The following CARD14 variants were observed in gnomAD, a reference collection of about 807,000 sequenced individuals.
CARD14 encodes caspase recruitment domain-containing protein 14.
In CARD14, 107 loss-of-function variants were observed where a neutral mutation model predicts 111.5. The observed-to-expected ratio is 0.96, with a 90% confidence interval of 0.82 to 1.13. The LOEUF is 1.13. CARD14 is among the 50% of genes most tolerant of loss of function. CARD14 has a pLI of 0.00. For synonymous variants in CARD14, 617 were observed against 579.6 expected (o/e 1.06, Z -0.93); for missense variants, 1,322 against 1,362.3 (o/e 0.97, Z 0.47).
chr17:80,204,575 G>A (rs916171738), intron 20 of CARD14: 1 of 440,262 alleles, frequency 2.3e-6, no homozygotes, highest in Admixed American at 3.7e-5. Context: ...AGTGAGCCGA[G>A]ATGGTGCCAT....
chr17:80,185,353 G>A (rs986888919), intron 7 of CARD14, among the ~76,000 whole-genome samples: 2 of 152,040 alleles, frequency 1.3e-5, no homozygotes, highest in Non-Finnish European at 2.9e-5. Context: ...GCTGGCCAGC[G>A]CTTTGCCTTT....
chr17:80,190,684 T>A, intron 9 of CARD14, 90 bp from the exon 10 acceptor site: 3 of 1,402,994 alleles, frequency 2.1e-6, no homozygotes, highest in East Asian at 2.5e-5. Context: ...ACTGTCTCCC[T>A]CCCTCCACCC....
At chr17:80,190,694 C>A in intron 9 of CARD14, 80 bp from the exon 10 acceptor site, 1 of 1,556,598 alleles carries the variant, frequency 6.4e-7, no homozygotes, top group East Asian at 2.3e-5. Flanking sequence ...TCCCTCCACC[C>A]CTGGGTTCCC....
chr17:80,176,828 T>C (rs2040036786), intron 2 of CARD14, among the ~76,000 whole-genome samples: 1 of 152,228 alleles, frequency 6.6e-6, no homozygotes, highest in Non-Finnish European at 1.5e-5. Context: ...AGTCAGACTC[T>C]AGCGACGCAG....
chr17:80,172,057 G>A (rs1434839327), intron 1 of CARD14, among the ~76,000 whole-genome samples: 1 of 152,234 alleles, frequency 6.6e-6, no homozygotes, highest in African/African-American at 2.4e-5. Flanking sequence ...CTGCAAGCTG[G>A]AGATGTGGCC....
At chr17:80,199,784 GAGAA>G (rs1398382229) in intron 16 of CARD14, among the ~76,000 whole-genome samples, 11 of 150,684 alleles carry the variant, frequency 7.3e-5, no homozygotes, top group Non-Finnish European at 1.5e-4. Context: ...GCTGAGGCAG[GAGAA>G]TCACTTGAAC....
rs957038309 is a variant in CARD14, at chr17:80,208,267, C to A, written c.2937C>A (p.Asp979Glu). The A allele has an allele frequency of 7.5e-6, 12 of 1,593,686 alleles. No individual in the cohort carries two copies. Among genetic ancestry groups the A allele is most frequent in the African/African-American group, 1.3e-5 (1 of 74,842 alleles). Residue 979 changes from aspartate to glutamate, a missense_variant, in exon 24 of 24, where the codon GAC (aspartate) becomes GAA (glutamate). Asp to Glu is a conservative substitution (Grantham distance 45, BLOSUM62 2). Coordinates refer to ENST00000648509, the MANE Select transcript of CARD14 (RefSeq NM_001366385.1). Reference sequence around the variant, plus strand: ...CTCCTGACGGCTGGAGCGACCTGGACGGCCTGCTCAGCTGTGTCCGCCAGG... The same window carrying A: ...CTCCTGACGGCTGGAGCGACCTGGAAGGCCTGCTCAGCTGTGTCCGCCAGG... ...SLAPDGWSDL[D>E]GLLSCVRQAI...
Position 80,195,227 on chromosome 17 carries a change from C to G in CARD14, c.1393C>G (p.Arg465Gly). ...LLSDLSATSS[R>G]ELVDSFRSSS... ...GTCGGACCTGAGTGCCACGTCCAGC[C>G]GCGAGCTGGTGGACAGCTTCCGCTC... The change falls in exon 13 of 24, where the codon CGC becomes GGC. Residue 465 changes from arginine to glycine, a missense_variant. Arg to Gly is a moderately radical substitution (Grantham distance 125, BLOSUM62 -2). Coordinates refer to ENST00000648509, the MANE Select transcript of CARD14 (RefSeq NM_001366385.1). The surrounding 1 kb of genome is among the most constrained non-coding windows in gnomAD (Gnocchi z 4.7). The G allele has an allele frequency of 1.2e-6, 2 of 1,611,642 alleles. No homozygotes were observed. Among genetic ancestry groups the G allele is most frequent in the Non-Finnish European group, 1.7e-6 (2 of 1,179,434 alleles).
intron 4 of CARD14, among the ~76,000 whole-genome samples, chr17:80,181,167 A>G (rs959744773): frequency 6.6e-6 from 1 of 151,956 alleles, no homozygotes; most frequent in African/African-American, 2.4e-5. Context: ...TGATTTAGTG[A>G]CTTTATTGCT....
At chr17:80,190,566 T>C (rs2040490996) in intron 9 of CARD14, among the ~76,000 whole-genome samples, 1 of 151,142 alleles carries the variant, frequency 6.6e-6, no homozygotes, top group Admixed American at 6.6e-5. Context: ...CGAGCCGAGA[T>C]TGCGCCATTG....
intron 12 of CARD14, among the ~76,000 whole-genome samples, chr17:80,193,872 T>C (rs1471664177): frequency 6.6e-6 from 1 of 152,084 alleles, no homozygotes; most frequent in Non-Finnish European, 1.5e-5. Flanking sequence ...TGTGCCCCCA[T>C]TCCCCACAGG....
At chr17:80,186,042 G>A (rs1481090573) in intron 7 of CARD14, among the ~76,000 whole-genome samples, 1 of 152,204 alleles carries the variant, frequency 6.6e-6, no homozygotes, top group Non-Finnish European at 1.5e-5. Context: ...TAAATATCTC[G>A]GGTGTGGGGC....
chr17:80,193,731 G>A (rs894079570), intron 12 of CARD14, among the ~76,000 whole-genome samples: 1 of 152,144 alleles, frequency 6.6e-6, no homozygotes, highest in African/African-American at 2.4e-5. Context: ...AGAGCTGGGG[G>A]AGGCCGGGAT....
Position 80,182,934 on chromosome 17 carries a change from G to C in CARD14, c.349+144G>C. The C allele has an allele frequency of 1.0e-6, 1 of 979,650 alleles. No individual in the cohort carries two copies. 60.7% of individuals were successfully genotyped at this position (979,650 alleles called of 1,614,324 possible). On this transcript the variant is annotated intron_variant, in intron 6 of 23. Coordinates refer to ENST00000648509, the MANE Select transcript of CARD14 (RefSeq NM_001366385.1). This position sits in a 1 kb window ranked among gnomAD's most constrained non-coding sequence, Gnocchi z 4.7. ...GTTCCTGTCCCAGCCCCAGCACTCT[G>C]AGGGTGAGGAACCCCCTCACTGTAT... is the stretch of plus-strand genomic sequence containing the variant.
intron 22 of CARD14, 195 bp downstream of exon 22, chr17:80,205,847 G>T: frequency 2.0e-6 from 1 of 511,896 alleles, no homozygotes; most frequent in Non-Finnish European, 3.4e-6. Flanking sequence ...CTGTGGGTGA[G>T]GTCTCCCAAC....
intron 1 of CARD14, among the ~76,000 whole-genome samples, chr17:80,172,345 G>T (rs1309951327): frequency 6.6e-6 from 1 of 152,196 alleles, no homozygotes; most frequent in Admixed American, 6.5e-5. Flanking sequence ...ATTTTATAAA[G>T]ATGCTGCACT....
intron 7 of CARD14, among the ~76,000 whole-genome samples, chr17:80,187,610 C>T (rs1196803735): frequency 1.3e-5 from 2 of 152,146 alleles, no homozygotes; most frequent in African/African-American, 4.8e-5. Flanking sequence ...AACCGGGTGT[C>T]GGGAGGGGAG....
chr17:80,204,251 C>A lies in CARD14; in HGVS notation c.2308C>A (p.Leu770Met). 1 of 1,594,898 alleles carries A rather than the reference C, an allele frequency of 6.3e-7. No individual in the cohort carries two copies. Among genetic ancestry groups the A allele is most frequent in the Non-Finnish European group, 8.6e-7 (1 of 1,164,964 alleles). Residue 770 changes from leucine (L) to methionine (M), a missense_variant, in exon 20 of 24, where the codon CTG becomes ATG. Coordinates refer to ENST00000648509, the MANE Select transcript of CARD14 (RefSeq NM_001366385.1). ...GCCATCTTCTGGGGGACCACAGAAG[C>A]TGGTCCGCATCGTCAGTATGGACAA... ...RKPSSGGPQK[L>M]VRIVSMDKAK...
At chr17:80,190,936 C>A in intron 10 of CARD14, 37 bp downstream of exon 10, 1 of 1,603,958 alleles carries the variant, frequency 6.2e-7, no homozygotes, top group Non-Finnish European at 8.5e-7. Context: ...CCACCCCATG[C>A]TTGCTTCCCC....
Sources: allele counts gnomAD v4.1 joint callset (sites outside exome capture counted in the v4.1 genomes callset), GRCh38; gene constraint gnomAD v4.1.1; non-coding constraint Gnocchi (gnomAD v3.1); transcripts MANE v1.5; gene names NCBI Gene and HGNC (gene_info 2026-07-23, HGNC 2026-07-21).